The following SLC35F3 variants were observed in gnomAD, a reference collection of about 807,000 sequenced individuals.
SLC35F3 encodes the protein solute carrier family 35 member F3.
SLC35F3 carries 25 observed loss-of-function variants against 49.9 expected under a neutral mutation model. The ratio of observed to expected loss-of-function variants is 0.50; its 90% CI spans 0.37 to 0.70. The LOEUF (loss-of-function observed/expected upper bound fraction) is 0.70, where lower values mean the gene tolerates loss of function less well. Ranked by LOEUF, SLC35F3 falls within the 30% of genes least tolerant of loss-of-function variation. The pLI, the probability that SLC35F3 is intolerant of heterozygous loss-of-function variation, is 0.00. For synonymous variants in SLC35F3, 275 were observed against 265.4 expected (o/e 1.04, Z -0.35); for missense variants, 525 against 639.8 (o/e 0.82, Z 1.94).
At chr1:234,210,167 G>T (rs1028056485) in intron 2 of SLC35F3, among the ~76,000 whole-genome samples, 2 of 152,156 alleles carry the variant, frequency 1.3e-5, no homozygotes, top group African/African-American at 4.8e-5. Flanking sequence ...ATCCACGTAA[G>T]ACATGACTTG....
At chr1:234,277,949 T>C (rs1668238799) in intron 3 of SLC35F3, among the ~76,000 whole-genome samples, 1 of 152,120 alleles carries the variant, frequency 6.6e-6, no homozygotes, top group African/African-American at 2.4e-5. Flanking sequence ...ATCTCAGTTG[T>C]TTGGGAAGCT....
intron 2 of SLC35F3, among the ~76,000 whole-genome samples, chr1:233,976,847 G>A (rs2102819966): frequency 6.6e-6 from 1 of 152,288 alleles, no homozygotes; most frequent in East Asian, 1.9e-4. Flanking sequence ...CTGACCTCAG[G>A]TAATCCACCC....
intron 2 of SLC35F3, among the ~76,000 whole-genome samples, chr1:234,102,136 C>T (rs1449372795): frequency 1.3e-5 from 2 of 152,158 alleles, no homozygotes; most frequent in African/African-American, 4.8e-5. Context: ...ATTTACTTTC[C>T]CCCTTTCCAT....
At chr1:234,039,165 G>A (rs574287114) in intron 2 of SLC35F3, among the ~76,000 whole-genome samples, 1 of 152,274 alleles carries the variant, frequency 6.6e-6, no homozygotes, top group South Asian at 2.1e-4. Context: ...TCTGCAGAGT[G>A]AGTTTAGAGA....
At chr1:234,131,066 A>G (rs1225558814) in intron 2 of SLC35F3, among the ~76,000 whole-genome samples, 4 of 152,204 alleles carry the variant, frequency 2.6e-5, no homozygotes, top group Admixed American at 1.3e-4. Flanking sequence ...ATAAAGTTCA[A>G]AGAGAGACAA....
rs905745167 is a variant in SLC35F3, at chr1:234,132,142, C to T, written c.284-99275C>T. On this transcript the variant is annotated intron_variant, in intron 2 of 7. Transcript: ENST00000366618. ...AAGATGGAAGTCAGATAAGATGGCT[C>T]AGGCAGTCAGATTCTCCTGCATGCT... is the stretch of plus-strand genomic sequence containing the variant. Among the ~76,000 whole-genome samples, 3 of 152,166 alleles carry T rather than the reference C, an allele frequency of 2.0e-5. No homozygotes were observed. In the South Asian group the frequency reaches 6.2e-4, roughly 32 times the overall value.
chr1:234,209,347 C>T (rs1264559145), intron 2 of SLC35F3, among the ~76,000 whole-genome samples: 1 of 151,688 alleles, frequency 6.6e-6, no homozygotes, highest in Non-Finnish European at 1.5e-5. Context: ...TATGGCCTAA[C>T]TCCAGTTAGG....
intron 2 of SLC35F3, among the ~76,000 whole-genome samples, chr1:233,972,476 C>T (rs1243832678): frequency 1.3e-5 from 2 of 152,168 alleles, no homozygotes; most frequent in Admixed American, 6.5e-5. Flanking sequence ...CCTAGCTCCA[C>T]CTTCTATAGC....
chr1:233,976,581 T>TTG (rs1663086785), intron 2 of SLC35F3, among the ~76,000 whole-genome samples: 2 of 152,210 alleles, frequency 1.3e-5, no homozygotes, highest in Admixed American at 6.5e-5. Context: ...ATCTGTAATG[T>TTG]TGTGCATAAT....
chr1:233,974,502 C>T (rs1284662199), intron 2 of SLC35F3, among the ~76,000 whole-genome samples: 1 of 152,134 alleles, frequency 6.6e-6, no homozygotes, highest in Non-Finnish European at 1.5e-5. Context: ...TCTAATAAAA[C>T]TAATTTGAGT....
At chr1:234,125,175 T>C (rs188131677) in intron 2 of SLC35F3, among the ~76,000 whole-genome samples, 2 of 152,244 alleles carry the variant, frequency 1.3e-5, no homozygotes, top group East Asian at 3.9e-4. Flanking sequence ...CACTGCTCAG[T>C]TTAGAGCCTC....
At chr1:233,969,061 G>GC (rs370642999) in intron 2 of SLC35F3, among the ~76,000 whole-genome samples, 1,074 of 31,170 alleles carry the variant, frequency 0.034, 11 homozygotes, top group African/African-American at 0.15. Flanking sequence ...GACATATTTT[G>GC]GGGGGGGGGA....
At chr1:233,997,297 A>T (rs1558200591) in intron 2 of SLC35F3, among the ~76,000 whole-genome samples, 1 of 152,098 alleles carries the variant, frequency 6.6e-6, no homozygotes, top group Non-Finnish European at 1.5e-5. Flanking sequence ...CATAATGATC[A>T]TTTGAGTTTT....
intron 3 of SLC35F3, among the ~76,000 whole-genome samples, chr1:234,250,152 T>C (rs1667712834): frequency 6.6e-6 from 1 of 152,190 alleles, no homozygotes; most frequent in African/African-American, 2.4e-5. Flanking sequence ...TACTATTTAT[T>C]CAAAATAAAA....
intron 2 of SLC35F3, among the ~76,000 whole-genome samples, chr1:234,147,230 C>CTTT (rs201359916): frequency 6.4e-5 from 8 of 125,090 alleles, no homozygotes; most frequent in South Asian, 2.4e-4. Flanking sequence ...TTTCTATTTT[C>CTTT]TTTTTTTTTT....
At chr1:234,309,036 T>G in intron 3 of SLC35F3, 65 bp from the exon 4 acceptor site, 2 of 1,336,830 alleles carry the variant, frequency 1.5e-6, no homozygotes, top group Non-Finnish European at 2.1e-6. Flanking sequence ...AAACTTGCTA[T>G]AGGAAATAAA....
rs142145064 is a variant in SLC35F3 at position 234,133,795 on chromosome 1, C to G, written c.284-97622C>G. On this transcript the variant is annotated intron_variant, in intron 2 of 7. Transcript: ENST00000366618. ...GTGCTAAAACTAGCGGCTTAATTAT[C>G]TTTGCTCTGACCTCTCTTTGATTTT... 5.2e-3 allele frequency among the ~76,000 whole-genome samples: 796 copies of G among 152,306 alleles called. 10 individuals carry two copies. The highest frequency in any genetic ancestry group is 0.018 in the African/African-American group (759 of 41,568).
At chr1:234,143,392 G>A (rs748736111) in intron 2 of SLC35F3, among the ~76,000 whole-genome samples, 7 of 150,326 alleles carry the variant, frequency 4.7e-5, no homozygotes, top group African/African-American at 7.4e-5. Context: ...AGGTTCAAGC[G>A]ATTCTCCTGC....
intron 2 of SLC35F3, among the ~76,000 whole-genome samples, chr1:233,942,631 C>G (rs957187773): frequency 6.6e-6 from 1 of 152,084 alleles, no homozygotes; most frequent in Admixed American, 6.5e-5. Context: ...CCAAGCTGGT[C>G]TCAAACTCCC....
Sources: allele counts gnomAD v4.1 joint callset (sites outside exome capture counted in the v4.1 genomes callset), GRCh38; gene constraint gnomAD v4.1.1; transcripts MANE v1.5; gene names NCBI Gene and HGNC (gene_info 2026-07-23, HGNC 2026-07-21).